Variants in MTMR10 observed in about 807,000 individuals in gnomAD.
MTMR10 encodes myotubularin related protein 10.
In MTMR10, 56 loss-of-function variants were observed where a neutral mutation model predicts 88.1. The ratio of observed to expected loss-of-function variants is 0.64; its 90% CI spans 0.51 to 0.79. The LOEUF (loss-of-function observed/expected upper bound fraction) is 0.79, where lower values mean the gene tolerates loss of function less well. Ranked by LOEUF, MTMR10 falls within the 30% of genes least tolerant of loss-of-function variation. The pLI is 0.00. For synonymous variants in MTMR10, 380 were observed against 340.9 expected, an observed-to-expected ratio of 1.11 and a Z score of -1.26; for missense variants, 883 against 924.7, an observed-to-expected ratio of 0.95 and a Z score of 0.58.
chr15:30,952,972 C>T (rs8032942), intron 11 of MTMR10, among the ~76,000 whole-genome samples: 39,904 of 151,894 alleles, frequency 0.26, 5,798 homozygotes, highest in Non-Finnish European at 0.33. Flanking sequence ...GTATTTTTAG[C>T]AGAGACAAGG....
chr15:30,970,903 T>G (rs2063530126), intron 5 of MTMR10, among the ~76,000 whole-genome samples: 1 of 152,190 alleles, frequency 6.6e-6, no homozygotes, highest in Admixed American at 6.6e-5. Flanking sequence ...TTGATTTTTT[T>G]GGGGTGGCAG....
chr15:30,966,967 C>T (rs991389650), intron 6 of MTMR10, among the ~76,000 whole-genome samples: 22 of 150,232 alleles, frequency 1.5e-4, no homozygotes, highest in African/African-American at 4.9e-4. Flanking sequence ...TACACTGATA[C>T]ATTTTAATGT....
the MTMR10 span, among the ~76,000 whole-genome samples, chr15:30,930,128 C>T: frequency 8.0e-4 from 121 of 150,700 alleles, no homozygotes; most frequent in African/African-American, 2.9e-3. Flanking sequence ...GTTAGAAAAG[C>T]CCCAGCTGTG....
intron 6 of MTMR10, among the ~76,000 whole-genome samples, chr15:30,966,785 T>C (rs1019566978): frequency 5.9e-5 from 9 of 151,940 alleles, no homozygotes; most frequent in African/African-American, 1.9e-4. Context: ...ATACAATTTC[T>C]ATAAATATAA....
the MTMR10 span, chr15:30,929,383 C>T: frequency 6.2e-7 from 1 of 1,602,902 alleles, no homozygotes; most frequent in South Asian, 1.1e-5. Flanking sequence ...CTTCACGTCT[C>T]TTCAGCAAGC....
chr15:30,971,297 G>A (rs555361959), intron 5 of MTMR10, among the ~76,000 whole-genome samples: 1 of 152,206 alleles, frequency 6.6e-6, no homozygotes, highest in African/African-American at 2.4e-5. Flanking sequence ...ATCAATTTTT[G>A]GACCAAAGCT....
At chr15:30,926,277 C>T in the MTMR10 span, among the ~76,000 whole-genome samples, 170 of 152,346 alleles carry the variant, frequency 1.1e-3, no homozygotes, top group Admixed American at 2.1e-3. Flanking sequence ...TCTGTTCTCT[C>T]CTGCCCCTTC....
chr15:30,980,416 C>T (rs1349276221), intron 2 of MTMR10, among the ~76,000 whole-genome samples: 2 of 152,210 alleles, frequency 1.3e-5, no homozygotes, highest in Non-Finnish European at 2.9e-5. Flanking sequence ...CCCCGAGGGG[C>T]TAGATTAAGA....
At chr15:30,929,135 G>A in the MTMR10 span, 1 of 1,408,252 alleles carries the variant, frequency 7.1e-7, no homozygotes, top group South Asian at 1.2e-5. Flanking sequence ...TGTATGTACT[G>A]ACTAGTCCTC....
downstream of MTMR10, among the ~76,000 whole-genome samples, chr15:30,934,177 C>A (rs2062791808): frequency 6.6e-6 from 1 of 152,192 alleles, no homozygotes; most frequent in South Asian, 2.1e-4. Context: ...GTGACCCCCC[C>A]TTTACACCTG....
At chr15:30,960,413 G>A (rs572423545) in intron 7 of MTMR10, among the ~76,000 whole-genome samples, 17 of 152,338 alleles carry the variant, frequency 1.1e-4, no homozygotes, top group South Asian at 1.0e-3. Context: ...AAATATTAGA[G>A]ACAGAGGAAC....
chr15:30,941,681 T>A lies in MTMR10; in HGVS notation c.2123A>T (p.Tyr708Phe), dbSNP rs200560796. The A allele has an allele frequency of 1.2e-6, 2 of 1,613,718 alleles. No homozygotes were observed. Among genetic ancestry groups the A allele is most frequent in the African/African-American group, 1.3e-5 (1 of 75,050 alleles). Reference protein sequence around the residue: ...QQRSGPLEACYGELGQSRMYF... With the variant: ...QQRSGPLEACFGELGQSRMYF... ...CATCCTGCTCTGGCCCAGCTCCCCATAGCAGGCCTCCAGGGGGCCACTGCG... is the reference window on the plus strand; with the variant it reads ...CATCCTGCTCTGGCCCAGCTCCCCAAAGCAGGCCTCCAGGGGGCCACTGCG... Residue 708 changes from tyrosine to phenylalanine, a missense_variant, in exon 16 of 16, where the codon TAT becomes TTT. Physicochemically the swap from Tyr to Phe is conservative, Grantham distance 22. Coordinates refer to ENST00000435680, the MANE Select transcript of MTMR10 (RefSeq NM_017762.3).
chr15:30,929,655 A>AATATATGAAATATATAATATATAAT, the MTMR10 span, among the ~76,000 whole-genome samples: 13 of 62,544 alleles, frequency 2.1e-4, no homozygotes, highest in African/African-American at 7.9e-4. Context: ...TATATAATAT[A>AATATATGAAATATATAATATATAAT]ATATATGAAA....
At chr15:30,923,486 C>T in the MTMR10 span, among the ~76,000 whole-genome samples, 3 of 152,236 alleles carry the variant, frequency 2.0e-5, no homozygotes, top group South Asian at 6.2e-4. Flanking sequence ...TTCCTCCTAA[C>T]CTCTGTTTCC....
intron 14 of MTMR10, 77 bp from the exon 15 acceptor site, chr15:30,943,149 C>G: frequency 6.7e-7 from 1 of 1,487,068 alleles, no homozygotes; most frequent in Non-Finnish European, 8.9e-7. Flanking sequence ...AGCCACTCAT[C>G]ATTACACAGG....
chr15:30,972,082 A>G (rs978828330), intron 5 of MTMR10, among the ~76,000 whole-genome samples: 20 of 152,216 alleles, frequency 1.3e-4, no homozygotes, highest in Admixed American at 1.2e-3. Context: ...TTTACCCACC[A>G]GAGAACTCCA....
chr15:30,945,798 G>C (rs1184845260), intron 14 of MTMR10, among the ~76,000 whole-genome samples: 1 of 152,128 alleles, frequency 6.6e-6, no homozygotes. Context: ...TTCCTGGTGG[G>C]GTGGGCAGGG....
At chr15:30,970,347 A>C (rs550620484) in intron 5 of MTMR10, among the ~76,000 whole-genome samples, 38 of 152,270 alleles carry the variant, frequency 2.5e-4, no homozygotes, top group Non-Finnish European at 4.3e-4. Flanking sequence ...AGAGAAAAAT[A>C]ATAGAGCAGG....
the MTMR10 span, among the ~76,000 whole-genome samples, chr15:30,921,614 T>G: frequency 6.6e-6 from 1 of 152,096 alleles, no homozygotes; most frequent in Non-Finnish European, 1.5e-5. Flanking sequence ...AGGGGAGTGA[T>G]GGGTGGGCTT....
Sources: allele counts gnomAD v4.1 joint callset (sites outside exome capture counted in the v4.1 genomes callset), GRCh38; gene constraint gnomAD v4.1.1; transcripts MANE v1.5; gene names NCBI Gene and HGNC (gene_info 2026-07-23, HGNC 2026-07-21).